PCCA: variants seen among roughly 807,000 people sequenced by gnomAD.
PCCA encodes propionyl-CoA carboxylase subunit alpha.
PCCA carries 74 observed loss-of-function variants against 101.3 expected under a neutral mutation model. The observed-to-expected ratio is 0.73, with a 90% CI of 0.61 to 0.89. The LOEUF is 0.89. PCCA is among the 40% of genes least tolerant of loss of function. The pLI, the probability that PCCA is intolerant of heterozygous loss-of-function variation, is 0.00. For missense variants in PCCA, 891 were observed against 907.0 expected (o/e 0.98, Z 0.23); for synonymous variants, 294 against 313.6 (o/e 0.94, Z 0.66).
At chr13:100,509,162 A>T (rs914848545) in intron 21 of PCCA, among the ~76,000 whole-genome samples, 1 of 100,226 alleles carries the variant, frequency 1.0e-5, no homozygotes, top group African/African-American at 2.8e-5. Flanking sequence ...TGAAAGATAC[A>T]GTGTTTCTCA....
At chr13:100,167,855 C>T (rs1287557388) in intron 6 of PCCA, among the ~76,000 whole-genome samples, 1 of 152,076 alleles carries the variant, frequency 6.6e-6, no homozygotes, top group Admixed American at 6.5e-5. Flanking sequence ...CAAGCTCTGC[C>T]TCCCGGGTTC....
intron 20 of PCCA, among the ~76,000 whole-genome samples, chr13:100,444,677 G>C (rs2080672406): frequency 1.3e-5 from 2 of 152,074 alleles, no homozygotes; most frequent in South Asian, 2.1e-4. Flanking sequence ...TCCTGACCTG[G>C]TGATCCGCCC....
At chr13:100,177,224 C>T (rs969586493) in intron 6 of PCCA, among the ~76,000 whole-genome samples, 3 of 152,218 alleles carry the variant, frequency 2.0e-5, no homozygotes, top group Non-Finnish European at 2.9e-5. Flanking sequence ...ACAGTAAGCA[C>T]TACCTTGAGC....
intron 1 of PCCA, among the ~76,000 whole-genome samples, chr13:100,100,471 T>C (rs1177655365): frequency 1.3e-5 from 2 of 152,256 alleles, no homozygotes; most frequent in Non-Finnish European, 1.5e-5. Flanking sequence ...AATTTTGGAC[T>C]GGGCGTGTAG....
intron 12 of PCCA, among the ~76,000 whole-genome samples, chr13:100,286,121 G>T (rs979665474): frequency 2.0e-5 from 3 of 152,214 alleles, no homozygotes; most frequent in Admixed American, 6.5e-5. Context: ...GCTGCCTCAT[G>T]GGGAAGTGGG....
rs2066039112 is a variant in PCCA at position 100,301,323 on chromosome 13, A to G, written c.1066-137A>G. 4.7e-6 allele frequency: 4 copies of G among 851,262 alleles called. No homozygotes were observed. The South Asian group carries it at 5.8e-5, about 12-fold the overall frequency. 52.7% of individuals were successfully genotyped at this position (851,262 alleles called of 1,614,324 possible). A position where few individuals can be genotyped will look rare whatever the true frequency, so the allele number is the denominator to read the frequency against. On this transcript the variant is annotated intron_variant, in intron 12 of 23. Transcript: ENST00000376285. Reference sequence around the variant, plus strand: ...TTTCATTTTATTCCCCTAGCTCAAGAGTTTTTTAGTCAAATATGTTCAAAT... The same window carrying G: ...TTTCATTTTATTCCCCTAGCTCAAGGGTTTTTTAGTCAAATATGTTCAAAT...
At chr13:100,182,246 G>T (rs537307340) in intron 6 of PCCA, among the ~76,000 whole-genome samples, 1 of 151,610 alleles carries the variant, frequency 6.6e-6, no homozygotes, top group South Asian at 2.1e-4. Context: ...ACAGGTGTGC[G>T]CCACCACACC....
chr13:100,148,381 T>C (rs981430536), intron 4 of PCCA, among the ~76,000 whole-genome samples: 2 of 152,198 alleles, frequency 1.3e-5, no homozygotes, highest in Admixed American at 6.5e-5. Context: ...TCCTACTCTT[T>C]ACATCCAGCC....
rs146176974 is a variant in PCCA, at chr13:100,357,805, A to T, written c.1644-10667A>T. Among the ~76,000 whole-genome samples, 607 of 152,320 alleles carry T rather than the reference A, an allele frequency of 4.0e-3. 4 individuals are homozygous for T. The highest frequency in any genetic ancestry group is 0.014 in the African/African-American group (582 of 41,568). ...TATTGGTTTTAGGTCTCAGAGAATG[A>T]TGTTCAGTGTTGTCAGAACTGCTGG... is the stretch of plus-strand genomic sequence containing the variant. On this transcript the variant is annotated intron_variant, in intron 18 of 23. Coordinates refer to ENST00000376285, the MANE Select transcript of PCCA (RefSeq NM_000282.4).
At chr13:100,511,302 G>C (rs771815799) in intron 21 of PCCA, among the ~76,000 whole-genome samples, 1 of 152,180 alleles carries the variant, frequency 6.6e-6, no homozygotes, top group Non-Finnish European at 1.5e-5. Context: ...CTCTGAGTTA[G>C]GACAGTAGAC....
chr13:100,360,734 A>T (rs1468853672), intron 18 of PCCA, among the ~76,000 whole-genome samples: 1 of 152,182 alleles, frequency 6.6e-6, no homozygotes, highest in Admixed American at 6.5e-5. Context: ...ATGGTAAGCC[A>T]CTTTAGAAGA....
intron 6 of PCCA, among the ~76,000 whole-genome samples, chr13:100,190,118 T>C (rs1202451500): frequency 2.0e-5 from 3 of 152,178 alleles, no homozygotes; most frequent in Admixed American, 2.0e-4. Flanking sequence ...CATGACTAAT[T>C]AATATGATAC....
At chr13:100,501,656 G>A (rs748530068) in intron 21 of PCCA, among the ~76,000 whole-genome samples, 8 of 152,110 alleles carry the variant, frequency 5.3e-5, no homozygotes, top group East Asian at 3.9e-4. Context: ...GGTGGCTCAC[G>A]AGGTCAGGAG....
intron 20 of PCCA, among the ~76,000 whole-genome samples, chr13:100,432,170 T>TAAAC (rs1228044349): frequency 2.7e-4 from 41 of 151,964 alleles, no homozygotes; most frequent in East Asian, 2.5e-3. Context: ...AATAAATAAA[T>TAAAC]AAACAAACAA....
intron 4 of PCCA, among the ~76,000 whole-genome samples, chr13:100,112,916 T>G (rs1220667004): frequency 1.3e-5 from 2 of 151,996 alleles, no homozygotes; most frequent in Non-Finnish European, 2.9e-5. Context: ...TATGAATGAG[T>G]AGAAAAAAAT....
chr13:100,146,402 C>T (rs2052570549), intron 4 of PCCA, among the ~76,000 whole-genome samples: 6 of 151,578 alleles, frequency 4.0e-5, no homozygotes, highest in Admixed American at 3.9e-4. Context: ...TGGTGAAACC[C>T]CGTCTCCACT....
chr13:100,381,387 TCA>T (rs2076218094), intron 19 of PCCA, among the ~76,000 whole-genome samples: 1 of 124,244 alleles, frequency 8.0e-6, no homozygotes, highest in Admixed American at 8.4e-5. Flanking sequence ...AGACTCCGTC[TCA>T]AAAAAAAAAA....
chr13:100,208,349 C>T lies in PCCA; in HGVS notation c.469-983C>T, dbSNP rs113783612. On this transcript the variant is annotated intron_variant, in intron 6 of 23. Transcript: ENST00000376285. ...AGTCAAGATTCTTTGCAGGCAGCAA[C>T]GCTAACATGGAATGAACAGGTGATG... Among the ~76,000 whole-genome samples the T allele has an allele frequency of 4.6e-3, 694 of 152,222 alleles. 11 individuals carry two copies. The highest frequency in any genetic ancestry group is 0.016 in the African/African-American group (647 of 41,528).
chr13:100,378,471 C>T (rs2076049371), intron 19 of PCCA, among the ~76,000 whole-genome samples: 1 of 152,196 alleles, frequency 6.6e-6, no homozygotes. Context: ...ATGTCTGTAT[C>T]TCTCACTAGA....
Sources: gnomAD v4.1 joint callset for allele counts (sites outside exome capture counted in the v4.1 genomes callset) on GRCh38, gnomAD v4.1.1 for gene constraint, MANE v1.5 for transcripts, NCBI Gene and HGNC (gene_info 2026-07-23, HGNC 2026-07-21) for gene names.